The following BICRA variants were observed in gnomAD, a reference collection of about 807,000 sequenced individuals.
BICRA encodes the protein BRD4-interacting chromatin-remodeling complex-associated protein.
A neutral mutation model predicts 96.9 loss-of-function variants in BICRA; 31 were observed. That is an observed-to-expected ratio of 0.32 (90% CI 0.24 to 0.43). BICRA has a LOEUF of 0.43. BICRA is among the 20% of genes least tolerant of loss of function. BICRA has a pLI of 1.00. For missense variants in BICRA, 2,283 were observed against 2,190.3 expected (o/e 1.04, Z -0.84); for synonymous variants, 1,350 against 1,071.8 (o/e 1.26, Z -5.07).
intron 1 of BICRA, among the ~76,000 whole-genome samples, chr19:47,620,156 C>G (rs375747733): frequency 2.0e-5 from 3 of 152,174 alleles, no homozygotes; most frequent in African/African-American, 7.2e-5. Flanking sequence ...AATTCTTTCC[C>G]GTGAGTATTT....
At chr19:47,655,669 A>G (rs1488090173) in intron 1 of BICRA, among the ~76,000 whole-genome samples, 4 of 151,126 alleles carry the variant, frequency 2.6e-5, no homozygotes, top group African/African-American at 9.7e-5. Flanking sequence ...CCTGGCCAAC[A>G]CGGTGAAACC....
intron 1 of BICRA, among the ~76,000 whole-genome samples, chr19:47,660,566 C>G (rs1599828541): frequency 6.6e-6 from 1 of 152,306 alleles, no homozygotes; most frequent in East Asian, 1.9e-4. Context: ...AGTCCACGTA[C>G]CAGGTGAACA....
At chr19:47,631,570 G>A (rs1441145459) in intron 1 of BICRA, among the ~76,000 whole-genome samples, 1 of 152,108 alleles carries the variant, frequency 6.6e-6, no homozygotes, top group African/African-American at 2.4e-5. Context: ...TCACTATGTT[G>A]CCCAGGTTGG....
chr19:47,653,827 C>G (rs773821369), intron 1 of BICRA, among the ~76,000 whole-genome samples: 15 of 152,078 alleles, frequency 9.9e-5, no homozygotes, highest in Non-Finnish European at 1.8e-4. Flanking sequence ...CACAGGCCAG[C>G]CTTTGTTTTG....
chr19:47,667,074 A>G (rs955227099), intron 1 of BICRA, among the ~76,000 whole-genome samples: 10 of 146,302 alleles, frequency 6.8e-5, no homozygotes, highest in Non-Finnish European at 1.5e-5. Flanking sequence ...GCTGGAGTGC[A>G]GTGGCACGAT....
At chr19:47,649,942 A>G (rs1383794617) in intron 1 of BICRA, among the ~76,000 whole-genome samples, 1 of 152,146 alleles carries the variant, frequency 6.6e-6, no homozygotes, top group Non-Finnish European at 1.5e-5. Context: ...GTGCAAAAGT[A>G]ATTGCAGTTT....
At chr19:47,621,490 C>T (rs1288679801) in intron 1 of BICRA, among the ~76,000 whole-genome samples, 1 of 141,624 alleles carries the variant, frequency 7.1e-6, no homozygotes, top group Non-Finnish European at 1.5e-5. Context: ...TTTTTAAATG[C>T]GAGATGGAAT....
At chr19:47,700,137 T>C (rs1398588467) in intron 14 of BICRA, 2 of 152,448 alleles carry the variant, frequency 1.3e-5, no homozygotes, top group African/African-American at 4.8e-5. Flanking sequence ...TTGGTTTAAA[T>C]CCTGGCTCTG....
Position 47,699,417 on chromosome 19 carries a change from G to C in BICRA, c.3595+12G>C, listed in dbSNP as rs370021577. ...CAAGGAGAAGCCGGGTGAGAGGGGGGAGTGAGAGGGGAGGGGAGGGAGAGG... is the reference window on the plus strand; with the variant it reads ...CAAGGAGAAGCCGGGTGAGAGGGGGCAGTGAGAGGGGAGGGGAGGGAGAGG... On this transcript the variant is annotated intron_variant, in intron 14 of 14. Coordinates refer to ENST00000594866, the MANE Select transcript of BICRA (RefSeq NM_001394372.1). This position sits in a 1 kb window ranked among gnomAD's most constrained non-coding sequence, Gnocchi z 5.0. 4.3e-5 allele frequency: 63 copies of C among 1,455,700 alleles called. No homozygotes were observed. The Middle Eastern group carries it at 5.2e-4, about 12-fold the overall frequency. 90.2% of individuals were successfully genotyped at this position (1,455,700 alleles called of 1,614,324 possible).
intron 1 of BICRA, among the ~76,000 whole-genome samples, chr19:47,641,796 A>T (rs1972389468): frequency 6.6e-6 from 1 of 152,106 alleles, no homozygotes; most frequent in African/African-American, 2.4e-5. Context: ...TAATATATAT[A>T]TATTTTTTCC....
At chr19:47,676,080 G>A (rs1328098628) in intron 5 of BICRA, among the ~76,000 whole-genome samples, 164 bp downstream of exon 5, 5 of 152,128 alleles carry the variant, frequency 3.3e-5, no homozygotes, top group Admixed American at 1.3e-4. Flanking sequence ...TGGCAGTGCA[G>A]GAGGGAGCAG....
rs1356497911 is a variant in BICRA, at chr19:47,685,780, T to TGC, written c.2283+3629_2283+3630insCG. ...GTGTGTGTGTGTGTGTGTGTGTGTG[T>TGC]GTGTGTGCGCGCGCGCGCGCATGCG... is the stretch of plus-strand genomic sequence containing the variant. On this transcript the variant is annotated intron_variant, in intron 7 of 14. Transcript: ENST00000594866. Among the ~76,000 whole-genome samples, 75 of 131,282 alleles carry TGC rather than the reference T, an allele frequency of 5.7e-4. 1 individual carries two copies. The highest frequency in any genetic ancestry group is 4.6e-3 in the Admixed American group (57 of 12,336). The allele number at this position is 131,282 out of a possible 152,430, so 86.1% of individuals were successfully genotyped here.
intron 5 of BICRA, chr19:47,678,904 T>C (rs529354230): frequency 4.6e-4 from 84 of 182,402 alleles, no homozygotes; most frequent in Middle Eastern, 4.6e-3. Context: ...TTTTCTTCTT[T>C]TTTTTTTTTT....
In BICRA at chr19:47,675,817, C is replaced by T; in HGVS notation, c.85-34C>T. On this transcript the variant is annotated intron_variant, in intron 4 of 14. Coordinates refer to ENST00000594866, the MANE Select transcript of BICRA (RefSeq NM_001394372.1). The surrounding 1 kb of genome is among the most constrained non-coding windows in gnomAD (Gnocchi z 4.7). ...CCAGAGCATGGGCCTGCCCTGCTGACTTTTGACCTTGGATGGGGCGGGTCT... is the reference window on the plus strand; with the variant it reads ...CCAGAGCATGGGCCTGCCCTGCTGATTTTTGACCTTGGATGGGGCGGGTCT... 1 of 1,581,036 alleles carries T rather than the reference C, an allele frequency of 6.3e-7. No individual in the cohort carries two copies. Among genetic ancestry groups the T allele is most frequent in the Non-Finnish European group, 8.7e-7 (1 of 1,155,320 alleles).
intron 7 of BICRA, among the ~76,000 whole-genome samples, chr19:47,685,954 T>G (rs966741083): frequency 7.9e-5 from 12 of 151,884 alleles, no homozygotes; most frequent in East Asian, 7.7e-4. Context: ...TTTGTTTTTT[T>G]TTTTTTTTCT....
At position 47,637,926 on chromosome 19, in the gene BICRA, A is replaced by T. The variant is rs1378868602; in HGVS notation, c.-108+28758A>T. Among the ~76,000 whole-genome samples the T allele has an allele frequency of 2.0e-5, 3 of 151,960 alleles. 1 individual carries two copies. Among genetic ancestry groups the T allele is most frequent in the South Asian group, 4.1e-4 (2 of 4,822 alleles). ...TGGATGGATGGACCGGATTTTGTTG[A>T]TCCATTCATCCGTGGATGGACATTG... is the stretch of plus-strand genomic sequence containing the variant. On this transcript the variant is annotated intron_variant, in intron 1 of 14. Coordinates refer to ENST00000594866, the MANE Select transcript of BICRA (RefSeq NM_001394372.1).
intron 1 of BICRA, among the ~76,000 whole-genome samples, chr19:47,636,452 T>G (rs1972301678): frequency 6.6e-6 from 1 of 152,170 alleles, no homozygotes; most frequent in Admixed American, 6.6e-5. Flanking sequence ...CAAGTGATCC[T>G]CCTGCCTGGG....
chr19:47,692,872 A>G (rs1267183220), intron 7 of BICRA, among the ~76,000 whole-genome samples: 1 of 152,184 alleles, frequency 6.6e-6, no homozygotes, highest in Non-Finnish European at 1.5e-5. Context: ...CCTCGGGCAG[A>G]TATCCTGAGC....
chr19:47,666,469 G>T (rs1456564653), intron 1 of BICRA, among the ~76,000 whole-genome samples: 3 of 151,984 alleles, frequency 2.0e-5, no homozygotes, highest in Non-Finnish European at 4.4e-5. Context: ...TAGAGACAAG[G>T]TTTCATCATG....
Sources: gnomAD v4.1 joint callset for allele counts (sites outside exome capture counted in the v4.1 genomes callset) on GRCh38, gnomAD v4.1.1 for gene constraint, Gnocchi (gnomAD v3.1) non-coding constraint, MANE v1.5 for transcripts, NCBI Gene and HGNC (gene_info 2026-07-23, HGNC 2026-07-21) for gene names.